Variants in ADGRG4 observed in about 807,000 individuals in gnomAD.
ADGRG4 encodes the protein G protein-coupled receptor 112.
Under a neutral mutation model 126.2 loss-of-function variants are expected in ADGRG4, and 122 were observed. That is an observed-to-expected ratio of 0.97 (90% CI 0.83 to 1.12). ADGRG4 has a LOEUF of 1.12. ADGRG4 is among the 50% of genes most tolerant of loss of function. ADGRG4 has a pLI of 0.00. For missense variants in ADGRG4, 2,481 were observed against 2,251.8 expected (o/e 1.10, Z -2.06); for synonymous variants, 943 against 838.7 (o/e 1.12, Z -2.15).
At chrX:136,412,734 C>G (rs1268332020) in intron 24 of ADGRG4, among the ~76,000 whole-genome samples, 1 of 112,127 alleles carries the variant, frequency 8.9e-6, no homozygotes, top group African/African-American at 3.2e-5. Flanking sequence ...ATGTAGGAAG[C>G]AAGGAGTGGT....
intron 15 of ADGRG4, among the ~76,000 whole-genome samples, chrX:136,385,649 G>A (rs1007764126): frequency 3.6e-5 from 4 of 111,330 alleles, no homozygotes; most frequent in East Asian, 2.8e-4. Context: ...TTTTCTTCAC[G>A]TATTGAGTAA....
rs2075013871 is a variant in ADGRG4 at position 136,345,985 on chromosome X, T to C, written c.2279T>C (p.Leu760Pro). 1 of 1,207,396 alleles carries C rather than the reference T, an allele frequency of 8.3e-7. No homozygotes were observed. Among genetic ancestry groups the C allele is most frequent in the Non-Finnish European group, 1.1e-6 (1 of 893,607 alleles). The change falls in exon 6 of 26, where the codon CTA becomes CCA. Residue 760 changes from leucine (L) to proline (P), a missense_variant. Leu to Pro is a moderately conservative substitution (Grantham distance 98). Coordinates refer to ENST00000394143, the MANE Select transcript of ADGRG4 (RefSeq NM_153834.4). ...CCTGAATTTAAACTTACCACTTTAC[T>C]ACTAAAAACAATACCTATGTCTACA... ...NMPEFKLTTLLLKTIPMSTKP... is the reference protein window; with the variant it reads ...NMPEFKLTTLPLKTIPMSTKP...
chrX:136,371,597 A>G, intron 14 of ADGRG4, 53 bp downstream of exon 14: 4 of 700,513 alleles, frequency 5.7e-6, no homozygotes, highest in Non-Finnish European at 8.3e-6. Context: ...TTTAAAATGC[A>G]GACGGCCCTC....
At chrX:136,350,979 C>A (rs1353416107) in intron 6 of ADGRG4, among the ~76,000 whole-genome samples, 1 of 111,583 alleles carries the variant, frequency 9.0e-6, no homozygotes, top group Non-Finnish European at 1.9e-5. Context: ...TGGAATATTC[C>A]TGCAACTTTT....
chrX:136,329,540 G>A (rs1377881672), intron 5 of ADGRG4, among the ~76,000 whole-genome samples: 1 of 112,026 alleles, frequency 8.9e-6, no homozygotes, highest in Non-Finnish European at 1.9e-5. Context: ...TCACAAACAG[G>A]AACAAAGTGA....
chrX:136,384,888 G>A (rs2075285085), intron 15 of ADGRG4, among the ~76,000 whole-genome samples: 1 of 110,801 alleles, frequency 9.0e-6, no homozygotes, highest in South Asian at 3.8e-4. Flanking sequence ...TTATATGCCT[G>A]GGCATTTTTT....
rs746508686 is a variant in ADGRG4, at chrX:136,346,726, C to G, written c.3020C>G (p.Thr1007Ser). The G allele has an allele frequency of 2.5e-6, 3 of 1,210,135 alleles. No individual in the cohort carries two copies. Among genetic ancestry groups the G allele is most frequent in the Non-Finnish European group, 3.4e-6 (3 of 894,301 alleles). Residue 1007 changes from threonine (T) to serine (S), a missense_variant, in exon 6 of 26, where the codon ACC (threonine) becomes AGC (serine). Thr to Ser is a moderately conservative substitution (Grantham distance 58). Coordinates refer to ENST00000394143, the MANE Select transcript of ADGRG4 (RefSeq NM_153834.4). ...PQPTAAHSSATPVPVTHMFSL... is the reference protein window; with the variant it reads ...PQPTAAHSSASPVPVTHMFSL... The stretch of plus-strand genomic sequence containing the variant: ...CCTACAGCTGCTCATTCCTCAGCAA[C>G]CCCTGTGCCTGTTACTCATATGTTC...
intron 5 of ADGRG4, among the ~76,000 whole-genome samples, chrX:136,334,077 TTTCTTTC>T (rs1417687972): frequency 3.4e-3 from 9 of 2,668 alleles, no homozygotes; most frequent in African/African-American, 0.033. Flanking sequence ...GTTCTCTCTC[TTTCTTTC>T]TTTCTTTCTT....
At chrX:136,386,389 C>T (rs924583753) in intron 15 of ADGRG4, among the ~76,000 whole-genome samples, 5 of 112,017 alleles carry the variant, frequency 4.5e-5, no homozygotes, top group Admixed American at 1.9e-4. Flanking sequence ...AAATCATGAC[C>T]TCTCCATGGT....
In ADGRG4 at chrX:136,349,927, C is replaced by T. The variant is rs748185389; in HGVS notation, c.6221C>T (p.Thr2074Ile). Residue 2074 changes from threonine to isoleucine, a missense_variant, in exon 6 of 26, where the codon ACA becomes ATA. Transcript: ENST00000394143. ...ACCATACTCACCCGAACCATTCCTA[C>T]ACCTACACTGGGTGGTATCACTACT... Reference protein sequence around the residue: ...MSTILTRTIPTPTLGGITTGF... With the variant: ...MSTILTRTIPIPTLGGITTGF... 3 of 1,210,831 alleles carry T rather than the reference C, an allele frequency of 2.5e-6. No individual in the cohort carries two copies. The highest frequency in any genetic ancestry group is 2.2e-6 in the Non-Finnish European group (2 of 894,838).
At position 136,348,384 on chromosome X, in the gene ADGRG4, T is replaced by A. The variant is rs766356939; in HGVS notation, c.4678T>A (p.Ser1560Thr). Reference sequence around the variant, plus strand: ...CTGTACAGCCACTTCTGGGCCTATGTCTGAGATGTCCTCAATACCAGTTAA... The same window carrying A: ...CTGTACAGCCACTTCTGGGCCTATGACTGAGATGTCCTCAATACCAGTTAA... ...SPCTATSGPMSEMSSIPVNNS... is the reference protein window; with the variant it reads ...SPCTATSGPMTEMSSIPVNNS... Residue 1560 changes from serine to threonine, a missense_variant, in exon 6 of 26, where the codon TCT becomes ACT. Coordinates refer to ENST00000394143, the MANE Select transcript of ADGRG4 (RefSeq NM_153834.4). The A allele has an allele frequency of 8.3e-7, 1 of 1,210,292 alleles. No individual in the cohort carries two copies. Among genetic ancestry groups the A allele is most frequent in the Non-Finnish European group, 1.1e-6 (1 of 894,298 alleles).
Position 136,356,151 on chromosome X carries a change from A to T in ADGRG4, c.6913A>T (p.Met2305Leu). 1.7e-6 allele frequency: 2 copies of T among 1,185,653 alleles called. No individual in the cohort carries two copies. Among genetic ancestry groups the T allele is most frequent in the Non-Finnish European group, 2.3e-6 (2 of 875,258 alleles). ...SRDISEEEMV[M>L]DRAILEQREG... Reference sequence around the variant, plus strand: ...GGACATTTCAGAGGAAGAGATGGTCATGGATCGAGCTATTGTAAGTAATTT... The same window carrying T: ...GGACATTTCAGAGGAAGAGATGGTCTTGGATCGAGCTATTGTAAGTAATTT... Residue 2305 changes from methionine to leucine, a missense_variant, in exon 9 of 26, where the codon ATG becomes TTG. Physicochemically the swap from Met to Leu is conservative, Grantham distance 15. Transcript: ENST00000394143.
chrX:136,402,031 G>T (rs2075382043), intron 21 of ADGRG4, among the ~76,000 whole-genome samples: 1 of 112,324 alleles, frequency 8.9e-6, no homozygotes, highest in African/African-American at 3.2e-5. Flanking sequence ...TCACCAGGGA[G>T]CCACAGCTGA....
intron 5 of ADGRG4, among the ~76,000 whole-genome samples, chrX:136,339,878 T>C (rs1323588191): frequency 8.9e-6 from 1 of 112,053 alleles, no homozygotes; most frequent in Admixed American, 9.4e-5. Flanking sequence ...TGAGTGTGTA[T>C]GCGTAGACAG....
At chrX:136,362,730 T>C (rs1270627667) in intron 12 of ADGRG4, among the ~76,000 whole-genome samples, 1 of 111,839 alleles carries the variant, frequency 8.9e-6, no homozygotes, top group Non-Finnish European at 1.9e-5. Context: ...GAGATTTTTC[T>C]CTACCTCTGT....
intron 15 of ADGRG4, among the ~76,000 whole-genome samples, chrX:136,384,883 T>G (rs1241744915): frequency 9.0e-6 from 1 of 111,574 alleles, no homozygotes; most frequent in African/African-American, 3.3e-5. Flanking sequence ...GACTATTATA[T>G]GCCTGGGCAT....
chrX:136,322,069 G>A (rs1369496287), intron 4 of ADGRG4, among the ~76,000 whole-genome samples: 1 of 111,605 alleles, frequency 9.0e-6, no homozygotes, highest in Non-Finnish European at 1.9e-5. Context: ...CAGGCTGTCT[G>A]ACTCCAGAGC....
At chrX:136,406,046 T>A in intron 23 of ADGRG4, 74 bp downstream of exon 23, 2 of 982,252 alleles carry the variant, frequency 2.0e-6, no homozygotes, top group South Asian at 2.6e-5. Context: ...TGGAAAATAA[T>A]CACCTGTTGG....
Position 136,397,896 on chromosome X carries a change from A to G in ADGRG4, c.8200A>G (p.Thr2734Ala). 2 of 1,205,001 alleles carry G rather than the reference A, an allele frequency of 1.7e-6. No homozygotes were observed. The highest frequency in any genetic ancestry group is 2.2e-5 in the Admixed American group (1 of 46,042). Residue 2734 changes from threonine (T) to alanine (A), a missense_variant, in exon 20 of 26, where the codon ACA becomes GCA. Thr to Ala is a moderately conservative substitution (Grantham distance 58). Transcript: ENST00000394143. ...TGTTCCTTAGGATTTATCCAGGTCT[A>G]CAGTGGATTCAGTGAATGAACAGAT... ...FGVLMDLSRS[T>A]VDSVNEQILA... is the part of the protein sequence containing the mutation.
Sources: gnomAD v4.1 joint callset for allele counts (sites outside exome capture counted in the v4.1 genomes callset) on GRCh38, gnomAD v4.1.1 for gene constraint, MANE v1.5 for transcripts, NCBI Gene and HGNC (gene_info 2026-07-23, HGNC 2026-07-21) for gene names.